DPP6: variants seen among roughly 807,000 people sequenced by gnomAD.
The protein encoded by DPP6 is A-type potassium channel modulatory protein DPP6.
A neutral mutation model predicts 122.6 loss-of-function variants in DPP6; 69 were observed. That is an observed-to-expected ratio of 0.56 (90% confidence interval 0.46 to 0.69). The LOEUF (loss-of-function observed/expected upper bound fraction) is 0.69. Ranked by LOEUF, DPP6 falls within the 30% of genes least tolerant of loss-of-function variation. DPP6 has a pLI of 0.00. For synonymous variants in DPP6, 418 were observed against 433.1 expected (o/e 0.97, Z 0.43); for missense variants, 928 against 1,116.9 (o/e 0.83, Z 2.41).
chr7:154,566,966 T>G (rs773721254), intron 5 of DPP6, 50 bp downstream of exon 5: 2 of 1,292,090 alleles, frequency 1.5e-6, no homozygotes, highest in Non-Finnish European at 2.2e-6. Flanking sequence ...TTTATTCTAA[T>G]ATCTCATTAA....
intron 1 of DPP6, among the ~76,000 whole-genome samples, chr7:154,380,199 G>A (rs924422670): frequency 1.3e-5 from 2 of 152,202 alleles, no homozygotes; most frequent in Non-Finnish European, 2.9e-5. Context: ...CTGAACACCT[G>A]TGTTGAATGT....
chr7:154,814,861 T>G (rs1204926547), intron 16 of DPP6, among the ~76,000 whole-genome samples: 2 of 152,212 alleles, frequency 1.3e-5, no homozygotes, highest in East Asian at 3.9e-4. Flanking sequence ...CCTCTGTCTC[T>G]GCATCCAAAT....
intron 1 of DPP6, among the ~76,000 whole-genome samples, chr7:154,368,919 CCTCGCAGGTGGTT>C (rs1216951880): frequency 6.6e-6 from 1 of 152,122 alleles, no homozygotes; most frequent in Non-Finnish European, 1.5e-5. Flanking sequence ...AAGGGTTGAG[CCTCGCAGGTGGTT>C]CTCTTCTGAT....
At chr7:154,719,368 A>G (rs1009740790) in intron 7 of DPP6, among the ~76,000 whole-genome samples, 5 of 152,012 alleles carry the variant, frequency 3.3e-5, no homozygotes, top group African/African-American at 7.3e-5. Flanking sequence ...AAAGATACAC[A>G]GAAGTAATGT....
chr7:153,766,528 C>A, the DPP6 span, among the ~76,000 whole-genome samples: 1 of 152,114 alleles, frequency 6.6e-6, no homozygotes, highest in Admixed American at 6.6e-5. Context: ...TAAACATGCT[C>A]AATAAATGTT....
intron 3 of DPP6, among the ~76,000 whole-genome samples, chr7:154,484,997 GA>G (rs1186704580): frequency 6.6e-6 from 1 of 152,088 alleles, no homozygotes; most frequent in African/African-American, 2.4e-5. Flanking sequence ...GGGTTAGGTA[GA>G]GGGGGGAATT....
intron 1 of DPP6, among the ~76,000 whole-genome samples, chr7:154,002,820 T>C (rs1264256948): frequency 6.6e-6 from 1 of 152,116 alleles, no homozygotes; most frequent in Non-Finnish European, 1.5e-5. Context: ...GGACAGAGCA[T>C]ATGAGGGTGG....
At chr7:154,745,171 C>T (rs545614624) in intron 8 of DPP6, among the ~76,000 whole-genome samples, 15 of 152,296 alleles carry the variant, frequency 9.8e-5, no homozygotes, top group African/African-American at 3.6e-4. Context: ...GGAGACTCAC[C>T]AGGATCTGCC....
In DPP6 at chr7:154,173,740, C is replaced by T. The variant is rs1382793137; in HGVS notation, c.243+120677C>T. 3.9e-5 allele frequency among the ~76,000 whole-genome samples: 6 copies of T among 152,142 alleles called. No individual in the cohort carries two copies. In the East Asian group the frequency reaches 7.7e-4, roughly 20 times the overall value. ...GACACGGGATTCCTATTATGGCCAA[C>T]GCAGACTCACCCTTTCTGCAGGCTC... On this transcript the variant is annotated intron_variant, in intron 1 of 25. Coordinates refer to ENST00000377770, the MANE Select transcript of DPP6 (RefSeq NM_130797.4).
intron 1 of DPP6, among the ~76,000 whole-genome samples, chr7:154,036,038 G>A (rs939431501): frequency 1.4e-4 from 21 of 150,660 alleles, no homozygotes; most frequent in Non-Finnish European, 2.8e-4. Flanking sequence ...GTGTGTGTGT[G>A]TGTGTGTGTA....
chr7:154,005,055 A>G (rs1418735977), intron 1 of DPP6, among the ~76,000 whole-genome samples: 1 of 152,210 alleles, frequency 6.6e-6, no homozygotes, highest in African/African-American at 2.4e-5. Context: ...AAAAAAAAGC[A>G]TATGACTTTG....
At chr7:154,796,653 G>A (rs575989685) in intron 12 of DPP6, among the ~76,000 whole-genome samples, 1 of 152,308 alleles carries the variant, frequency 6.6e-6, no homozygotes, top group East Asian at 1.9e-4. Context: ...CCAGACTTCA[G>A]TCTCATGAAT....
At chr7:154,004,175 A>G (rs540428396) in intron 1 of DPP6, among the ~76,000 whole-genome samples, 13 of 152,304 alleles carry the variant, frequency 8.5e-5, no homozygotes, top group African/African-American at 2.2e-4. Flanking sequence ...CTTTCCATAC[A>G]TTGTTGAGGT....
the DPP6 span, among the ~76,000 whole-genome samples, chr7:153,845,144 C>G: frequency 6.6e-6 from 1 of 152,074 alleles, no homozygotes; most frequent in African/African-American, 2.4e-5. Context: ...TATTTTACAA[C>G]TTTTTATTAA....
At chr7:154,150,166 G>C (rs923499841) in intron 1 of DPP6, among the ~76,000 whole-genome samples, 12 of 149,990 alleles carry the variant, frequency 8.0e-5, no homozygotes, top group African/African-American at 2.7e-4. Flanking sequence ...TAAGAAAAAA[G>C]AATGTGCCAT....
chr7:154,236,258 G>C (rs755930011), intron 1 of DPP6, among the ~76,000 whole-genome samples: 1 of 151,962 alleles, frequency 6.6e-6, no homozygotes, highest in African/African-American at 2.4e-5. Flanking sequence ...AACTATACCT[G>C]GTACATTTTA....
At chr7:154,030,750 C>CTTT (rs2129054799) in intron 1 of DPP6, among the ~76,000 whole-genome samples, 1 of 152,240 alleles carries the variant, frequency 6.6e-6, no homozygotes, top group East Asian at 1.9e-4. Flanking sequence ...TTCCCCACTC[C>CTTT]CAGCCATAGG....
At chr7:153,965,333 TTA>T (rs1192392726) in intron 1 of DPP6, among the ~76,000 whole-genome samples, 1 of 152,068 alleles carries the variant, frequency 6.6e-6, no homozygotes, top group Non-Finnish European at 1.5e-5. Flanking sequence ...GAATGTTTGG[TTA>T]TTTCTCCAGC....
At chr7:154,139,026 T>C (rs980709834) in intron 1 of DPP6, among the ~76,000 whole-genome samples, 6 of 151,904 alleles carry the variant, frequency 3.9e-5, no homozygotes, top group African/African-American at 1.5e-4. Flanking sequence ...AGGAAGTAGG[T>C]GTGGCCAGAC....
Sources: gnomAD v4.1 joint callset for allele counts (sites outside exome capture counted in the v4.1 genomes callset) on GRCh38, gnomAD v4.1.1 for gene constraint, MANE v1.5 for transcripts, NCBI Gene and HGNC (gene_info 2026-07-23, HGNC 2026-07-21) for gene names.